The following ADAMTSL1 variants were observed in gnomAD, a reference collection of about 807,000 sequenced individuals.
The protein encoded by ADAMTSL1 is ADAMTS-like protein 1.
In ADAMTSL1, 126 loss-of-function variants were observed where a neutral mutation model predicts 201.8. That is an observed-to-expected ratio of 0.62 (90% CI 0.54 to 0.72). The LOEUF (loss-of-function observed/expected upper bound fraction) is 0.72, where lower values mean the gene tolerates loss of function less well. Ranked by LOEUF, ADAMTSL1 falls within the 30% of genes least tolerant of loss-of-function variation. ADAMTSL1 has a pLI of 0.00. For missense variants in ADAMTSL1, 2,679 were observed against 2,277.8 expected, an observed-to-expected ratio of 1.18 and a Z score of -3.59; for synonymous variants, 1,121 against 903.4, an observed-to-expected ratio of 1.24 and a Z score of -4.32.
intron 2 of ADAMTSL1, among the ~76,000 whole-genome samples, chr9:18,380,773 G>C (rs557219840): frequency 7.9e-4 from 121 of 152,206 alleles, no homozygotes; most frequent in South Asian, 6.0e-3. Context: ...TCTCATTAAG[G>C]CTGAGTTCAC....
intron 1 of ADAMTSL1, among the ~76,000 whole-genome samples, chr9:17,955,333 GC>G (rs527339664): frequency 9.9e-5 from 15 of 152,234 alleles, no homozygotes; most frequent in African/African-American, 3.4e-4. Context: ...GGAAAGGAGG[GC>G]TTTTGTTCTG....
intron 2 of ADAMTSL1, among the ~76,000 whole-genome samples, chr9:18,200,738 T>G (rs1220816830): frequency 6.6e-6 from 1 of 151,860 alleles, no homozygotes; most frequent in Non-Finnish European, 1.5e-5. Context: ...AAGCTGAAAA[T>G]TAATAAGTTT....
intron 9 of ADAMTSL1, among the ~76,000 whole-genome samples, chr9:18,663,741 A>G (rs950539702): frequency 4.6e-5 from 7 of 152,086 alleles, no homozygotes; most frequent in Admixed American, 4.6e-4. Flanking sequence ...GTCAATCAAG[A>G]GATGGCCATG....
At chr9:18,385,551 A>G (rs1055629426) in intron 2 of ADAMTSL1, among the ~76,000 whole-genome samples, 1 of 152,218 alleles carries the variant, frequency 6.6e-6, no homozygotes, top group Non-Finnish European at 1.5e-5. Context: ...AAGACAGGTA[A>G]TAATAAAGAA....
rs144291728 is a variant in ADAMTSL1, at chr9:18,396,439, T to C, written c.208-108390T>C. ...TAACCTAAAAATAAATATTCATTAC[T>C]ATTCTAATAAATAATAATTTAATAT... On this transcript the variant is annotated intron_variant, in intron 2 of 29. Coordinates refer to the ADAMTSL1 transcript ENST00000680146. 1.4e-3 allele frequency among the ~76,000 whole-genome samples: 209 copies of C among 150,212 alleles called. 2 individuals are homozygous for C. Among genetic ancestry groups the C allele is most frequent in the African/African-American group, 4.9e-3 (204 of 41,252 alleles).
intron 2 of ADAMTSL1, among the ~76,000 whole-genome samples, chr9:18,406,574 G>C (rs1748685393): frequency 6.6e-6 from 1 of 151,984 alleles, no homozygotes; most frequent in Non-Finnish European, 1.5e-5. Context: ...CAACTGATCT[G>C]CCTGCCTTGA....
chr9:18,889,855 C>T, intron 25 of ADAMTSL1, 107 bp downstream of exon 25: 1 of 1,148,800 alleles, frequency 8.7e-7, no homozygotes, highest in Non-Finnish European at 1.1e-6. Flanking sequence ...GGAGAGATGC[C>T]AGCCAAGGAG....
chr9:18,132,982 C>T (rs1826012249), intron 1 of ADAMTSL1, among the ~76,000 whole-genome samples: 1 of 152,128 alleles, frequency 6.6e-6, no homozygotes, highest in African/African-American at 2.4e-5. Context: ...GATTCTTTCA[C>T]AGTACTAAGG....
intron 1 of ADAMTSL1, among the ~76,000 whole-genome samples, chr9:18,065,977 C>T (rs1485008119): frequency 1.0e-5 from 1 of 98,218 alleles, no homozygotes; most frequent in Non-Finnish European, 1.8e-5. Flanking sequence ...CAGAGCGAGA[C>T]TCCATCTCAA....
intron 2 of ADAMTSL1, among the ~76,000 whole-genome samples, chr9:18,302,272 C>A (rs1462168899): frequency 1.3e-5 from 2 of 152,028 alleles, no homozygotes; most frequent in Non-Finnish European, 2.9e-5. Context: ...AATCCTACCT[C>A]AATGAGATAC....
chr9:18,675,797 A>G (rs999687442), intron 9 of ADAMTSL1, 60 bp from the exon 10 acceptor site: 27 of 1,413,434 alleles, frequency 1.9e-5, no homozygotes, highest in Non-Finnish European at 2.6e-5. Context: ...GTAATCATTT[A>G]GTGTTTATTT....
intron 3 of ADAMTSL1, among the ~76,000 whole-genome samples, chr9:18,569,529 G>GA (rs1303285517): frequency 1.3e-5 from 2 of 152,026 alleles, no homozygotes; most frequent in Non-Finnish European, 2.9e-5. Context: ...AGGAAACCAA[G>GA]AAAAAAAGTC....
At chr9:18,399,280 C>CATGTATAT (rs1554672252) in intron 2 of ADAMTSL1, among the ~76,000 whole-genome samples, 3 of 31,004 alleles carry the variant, frequency 9.7e-5, no homozygotes, top group Non-Finnish European at 2.0e-4. Flanking sequence ...GTCTGCTTTA[C>CATGTATAT]ATATATATAT....
intron 2 of ADAMTSL1, among the ~76,000 whole-genome samples, chr9:18,255,901 A>C (rs889740342): frequency 6.6e-6 from 1 of 152,202 alleles, no homozygotes; most frequent in Non-Finnish European, 1.5e-5. Context: ...CAGAGATTAT[A>C]ATCTGTTTCT....
intron 14 of ADAMTSL1, among the ~76,000 whole-genome samples, chr9:18,710,332 C>A (rs759745074): frequency 6.6e-6 from 1 of 152,222 alleles, no homozygotes; most frequent in Non-Finnish European, 1.5e-5. Context: ...TATGACAGAA[C>A]TTCTGTCCTT....
At chr9:18,063,577 C>T (rs1236336271) in intron 1 of ADAMTSL1, among the ~76,000 whole-genome samples, 7 of 152,134 alleles carry the variant, frequency 4.6e-5, no homozygotes, top group Admixed American at 3.9e-4. Flanking sequence ...TTTCTGTTAG[C>T]GAAGCGAATG....
At chr9:18,528,414 C>T (rs753556907) in intron 2 of ADAMTSL1, among the ~76,000 whole-genome samples, 6 of 152,148 alleles carry the variant, frequency 3.9e-5, no homozygotes, top group East Asian at 1.9e-4. Flanking sequence ...TCACCCCTCA[C>T]GTATACATGT....
In ADAMTSL1 at chr9:18,498,479, G is replaced by A. The variant is rs115853242; in HGVS notation, c.64-6350G>A. ...AGCCTCCCAAGTAGCTAGGATTACA[G>A]GCAAGCGTCACCATGCCTGGCTAAT... On this transcript the variant is annotated intron_variant, in intron 1 of 28. Transcript: ENST00000380548. Among the ~76,000 whole-genome samples the A allele has an allele frequency of 6.5e-3, 992 of 152,088 alleles. 9 individuals are homozygous for A. The highest frequency in any genetic ancestry group is 0.023 in the African/African-American group (937 of 41,462).
At chr9:18,330,284 A>C (rs756602605) in intron 2 of ADAMTSL1, among the ~76,000 whole-genome samples, 7 of 152,046 alleles carry the variant, frequency 4.6e-5, no homozygotes, top group African/African-American at 7.2e-5. Context: ...CAGAAATCAC[A>C]TATTAGGACT....
Sources: allele counts gnomAD v4.1 joint callset (sites outside exome capture counted in the v4.1 genomes callset), GRCh38; gene constraint gnomAD v4.1.1; transcripts MANE v1.5; gene names NCBI Gene and HGNC (gene_info 2026-07-23, HGNC 2026-07-21).